The following CD79B variants were observed in gnomAD, a reference collection of about 807,000 sequenced individuals.
The protein encoded by CD79B is B-cell antigen receptor complex-associated protein beta chain.
In CD79B, 7 loss-of-function variants were observed where a neutral mutation model predicts 30.0. The observed-to-expected ratio is 0.23, with a 90% CI of 0.13 to 0.44. The LOEUF (loss-of-function observed/expected upper bound fraction) is 0.44, where lower values mean the gene tolerates loss of function less well. CD79B is among the 20% of genes least tolerant of loss of function. The probability of loss-of-function intolerance (pLI) is 1.00; values close to 1 mark genes in which losing one functional copy is unlikely to be tolerated. For missense variants in CD79B, 218 were observed against 299.1 expected (o/e 0.73, Z 2.00); for synonymous variants, 118 against 119.2 (o/e 0.99, Z 0.07).
At chr17:63,930,788 C>T (rs772786439) in intron 2 of CD79B, among the ~76,000 whole-genome samples, 35 of 152,006 alleles carry the variant, frequency 2.3e-4, no homozygotes, top group Admixed American at 1.1e-3. Context: ...CAGTCTCCCC[C>T]GTTCCTCCAG....
At position 63,929,416 on chromosome 17, in the gene CD79B, G is replaced by A. The variant is rs763166234; in HGVS notation, c.591+18C>T. The A allele has an allele frequency of 2.5e-6, 4 of 1,613,656 alleles. No individual in the cohort carries two copies. Among genetic ancestry groups the A allele is most frequent in the Non-Finnish European group, 3.4e-6 (4 of 1,179,784 alleles). ...GACCCCGAGGACTCAGAGCTGCTGGGCCTGCCCCTCTCCTTACCTCGTAGG... is the reference window on the plus strand; with the variant it reads ...GACCCCGAGGACTCAGAGCTGCTGGACCTGCCCCTCTCCTTACCTCGTAGG... On this transcript the variant is annotated intron_variant, in intron 5 of 5. Transcript: ENST00000006750.
At position 63,928,754 on chromosome 17, in the gene CD79B, A is replaced by G. The variant is rs1907929494; in HGVS notation, c.*472T>C. 3.0e-6 allele frequency: 1 copy of G among 335,808 alleles called. No individual in the cohort carries two copies. The highest frequency in any genetic ancestry group is 5.6e-6 in the Non-Finnish European group (1 of 178,266). The allele number at this position is 335,808 out of a possible 1,614,324, so 20.8% of individuals were successfully genotyped here. A position where few individuals can be genotyped will look rare whatever the true frequency, so the allele number is the denominator to read the frequency against. ...GAGCCTGTGTGTGGTTTCTCAGGAC[A>G]CACCGTTTATTCCACGGGGGAAGGC... On this transcript the variant is annotated 3_prime_UTR_variant, in exon 6 of 6. Transcript: ENST00000006750.
At position 63,930,121 on chromosome 17, in the gene CD79B, T is replaced by C; in HGVS notation, c.383A>G (p.Asn128Ser). 6.2e-7 allele frequency: 1 copy of C among 1,614,074 alleles called. No homozygotes were observed. The highest frequency in any genetic ancestry group is 8.5e-7 in the Non-Finnish European group (1 of 1,179,964). The change falls in exon 3 of 6, where the codon AAC becomes AGC. Residue 128 changes from asparagine to serine, a missense_variant. Transcript: ENST00000006750. ...GIYFCQQKCNNTSEVYQGCGT... is the reference protein window; with the variant it reads ...GIYFCQQKCNSTSEVYQGCGT... Reference sequence around the variant, plus strand: ...GCAGCCCTGGTAGACCTCCGAGGTGTTGTTGCACTTCTGCTGACAGAAGTA... The same window carrying C: ...GCAGCCCTGGTAGACCTCCGAGGTGCTGTTGCACTTCTGCTGACAGAAGTA...
At chr17:63,929,909 T>C in intron 3 of CD79B, 21 bp from the exon 4 acceptor site, 2 of 1,592,796 alleles carry the variant, frequency 1.3e-6, no homozygotes, top group African/African-American at 1.3e-5. Context: ...AGGGGTGGGG[T>C]TGTGAGCCTG....
intron 1 of CD79B, 119 bp from the exon 2 acceptor site, chr17:63,931,504 A>C: frequency 1.1e-6 from 1 of 939,088 alleles, no homozygotes; most frequent in Non-Finnish European, 1.7e-6. Context: ...CAGCAGCTTC[A>C]AGACCCCTCG....
At chr17:63,929,919 G>C in intron 3 of CD79B, 31 bp from the exon 4 acceptor site, 1 of 1,577,504 alleles carries the variant, frequency 6.3e-7, no homozygotes, top group Non-Finnish European at 8.7e-7. Context: ...TTGTGAGCCT[G>C]GGCCACAGTC....
At position 63,930,173 on chromosome 17, in the gene CD79B, C is replaced by G. The variant is rs1170741970; in HGVS notation, c.331G>C (p.Gly111Arg). ...NESLATLTIQ[G>R]IRFEDNGIYF... ...ATGCCATTGTCCTCAAACCGGATGC[C>G]TTGGATGGTGAGGGTGGCGAGAGAT... The change falls in exon 3 of 6, where the codon GGC (glycine) becomes CGC (arginine). Residue 111 changes from glycine (G) to arginine (R), a missense_variant. Transcript: ENST00000006750. 6.2e-7 allele frequency: 1 copy of G among 1,614,244 alleles called. No homozygotes were observed. Among genetic ancestry groups the G allele is most frequent in the Admixed American group, 1.7e-5 (1 of 60,028 alleles).
chr17:63,932,280 G>T lies in CD79B; in HGVS notation c.-19C>A. 6.2e-7 allele frequency: 1 copy of T among 1,609,996 alleles called. No homozygotes were observed. Among genetic ancestry groups the T allele is most frequent in the Non-Finnish European group, 8.5e-7 (1 of 1,179,262 alleles). ...TGGCCATGGTCACCGCTCTGTCCCC[G>T]ACCCCAAACCCGTGACAACGTCCGA... On this transcript the variant is annotated 5_prime_UTR_variant, in exon 1 of 6. Transcript: ENST00000006750.
At position 63,930,058 on chromosome 17, in the gene CD79B, G is replaced by A. The variant is rs1236804335; in HGVS notation, c.430+16C>T. On this transcript the variant is annotated intron_variant, in intron 3 of 5. Coordinates refer to ENST00000006750, the MANE Select transcript of CD79B (RefSeq NM_000626.4). ...GGCGGACAGCTACAGGAGCGTCCCA[G>A]CCACCTGGCACACACCCATGACTCG... 1 of 1,612,892 alleles carries A rather than the reference G, an allele frequency of 6.2e-7. No homozygotes were observed. Among genetic ancestry groups the A allele is most frequent in the Non-Finnish European group, 8.5e-7 (1 of 1,179,476 alleles).
At position 63,929,161 on chromosome 17, in the gene CD79B, A is replaced by T; in HGVS notation, c.*65T>A. ...CAGGAAAGGGGTTGGGCCATGAGCC[A>T]GGCAGCTCCGAAGCAGTCACTGAGG... On this transcript the variant is annotated 3_prime_UTR_variant, in exon 6 of 6. Coordinates refer to ENST00000006750, the MANE Select transcript of CD79B (RefSeq NM_000626.4). 2 of 1,104,324 alleles carry T rather than the reference A, an allele frequency of 1.8e-6. No individual in the cohort carries two copies. Among genetic ancestry groups the T allele is most frequent in the Non-Finnish European group, 2.8e-6 (2 of 717,306 alleles). The allele number at this position is 1,104,324 out of a possible 1,614,324, so 68.4% of individuals were successfully genotyped here.
rs1042990170 is a variant in CD79B at position 63,928,871 on chromosome 17, C to T, written c.*355G>A. On this transcript the variant is annotated 3_prime_UTR_variant, in exon 6 of 6. Transcript: ENST00000006750. Reference sequence around the variant, plus strand: ...TCTGGGGCCCAGTTGGGTCCATGGCCCTTCCCAAGCTCTGCTGGGAGGCCC... The same window carrying T: ...TCTGGGGCCCAGTTGGGTCCATGGCTCTTCCCAAGCTCTGCTGGGAGGCCC... 2.3e-4 allele frequency: 99 copies of T among 434,084 alleles called. No homozygotes were observed. In the South Asian group the frequency reaches 2.3e-3, roughly 10 times the overall value. 26.9% of individuals were successfully genotyped at this position (434,084 alleles called of 1,614,324 possible).
At chr17:63,929,628 T>A in intron 4 of CD79B, 142 bp downstream of exon 4, 1 of 960,644 alleles carries the variant, frequency 1.0e-6, no homozygotes, top group Non-Finnish European at 1.6e-6. Flanking sequence ...AAGGAAGGAA[T>A]GATTGAATTG....
At position 63,928,945 on chromosome 17, in the gene CD79B, A is replaced by G. The variant is rs776283107; in HGVS notation, c.*281T>C. ...CTCTGGACCAGTCTCTGCCTCCCCC[A>G]TCCCATGTGTGGGGACGGATCACCT... On this transcript the variant is annotated 3_prime_UTR_variant, in exon 6 of 6. Transcript: ENST00000006750. The G allele has an allele frequency of 3.3e-5, 17 of 521,540 alleles. No homozygotes were observed. Among genetic ancestry groups the G allele is most frequent in the Non-Finnish European group, 5.3e-5 (15 of 285,184 alleles). 32.3% of individuals were successfully genotyped at this position (521,540 alleles called of 1,614,324 possible). A position where few individuals can be genotyped will look rare whatever the true frequency, so the allele number is the denominator to read the frequency against.
At chr17:63,931,408 C>T (rs200705895) in intron 1 of CD79B, 23 bp from the exon 2 acceptor site, 23 of 1,612,870 alleles carry the variant, frequency 1.4e-5, no homozygotes, top group Middle Eastern at 1.7e-4. Flanking sequence ...AGGAAGTGGG[C>T]GGGGCCAGTC....
At chr17:63,931,136 G>A in intron 2 of CD79B, 199 bp downstream of exon 2, 1 of 651,156 alleles carries the variant, frequency 1.5e-6, no homozygotes, top group South Asian at 1.6e-5. Flanking sequence ...AGGCTGGAGG[G>A]CATGTGTCTG....
chr17:63,929,789 A>G lies in CD79B; in HGVS notation c.530T>C (p.Ile177Thr), dbSNP rs1415561170. The G allele has an allele frequency of 4.3e-6, 7 of 1,610,962 alleles. No homozygotes were observed. The highest frequency in any genetic ancestry group is 5.9e-6 in the Non-Finnish European group (7 of 1,178,898). The change falls in exon 4 of 6, where the codon ATC becomes ACC. Residue 177 changes from isoleucine (I) to threonine (T), a missense_variant. Transcript: ENST00000006750. ...LLIILFIIVP[I>T]FLLLDKDDSK... ...GATCACCTTGTCCAGCAGCAGGAAG[A>G]TAGGCACGATGATGAAGAGGATGAT...
intron 2 of CD79B, 87 bp downstream of exon 2, chr17:63,931,248 G>T: frequency 2.2e-6 from 3 of 1,394,666 alleles, no homozygotes; most frequent in South Asian, 2.3e-5. Flanking sequence ...TGGGAAGGCG[G>T]ACCGCCCCCA....
Position 63,929,146 on chromosome 17 carries a change from G to T in CD79B, c.*80C>A, listed in dbSNP as rs1005759979. The T allele has an allele frequency of 3.1e-6, 3 of 970,172 alleles. No homozygotes were observed. The highest frequency in any genetic ancestry group is 5.0e-6 in the Non-Finnish European group (3 of 598,642). 60.1% of individuals were successfully genotyped at this position (970,172 alleles called of 1,614,324 possible). A position where few individuals can be genotyped will look rare whatever the true frequency, so the allele number is the denominator to read the frequency against. On this transcript the variant is annotated 3_prime_UTR_variant, in exon 6 of 6. Coordinates refer to ENST00000006750, the MANE Select transcript of CD79B (RefSeq NM_000626.4). ...GCCAGCTGGGGGGTCCAGGAAAGGG[G>T]TTGGGCCATGAGCCAGGCAGCTCCG...
chr17:63,932,069 G>C, intron 1 of CD79B, 126 bp downstream of exon 1: 1 of 887,434 alleles, frequency 1.1e-6, no homozygotes, highest in Non-Finnish European at 1.8e-6. Context: ...AGGGCCATGA[G>C]AGGGAGACAG....
Sources: allele counts gnomAD v4.1 joint callset (sites outside exome capture counted in the v4.1 genomes callset), GRCh38; gene constraint gnomAD v4.1.1; transcripts MANE v1.5; gene names NCBI Gene and HGNC (gene_info 2026-07-23, HGNC 2026-07-21).